WDR43: variants seen among roughly 807,000 people sequenced by gnomAD.
The protein encoded by WDR43 is WD repeat domain 43, also known as WD repeat-containing protein 43.
Under a neutral mutation model 91.4 loss-of-function variants are expected in WDR43, and 13 were observed. The observed-to-expected ratio is 0.14, with a 90% CI of 0.09 to 0.23. The LOEUF (loss-of-function observed/expected upper bound fraction) is 0.23. Ranked by LOEUF, WDR43 falls within the 10% of genes least tolerant of loss-of-function variation. The pLI is 1.00. For missense variants in WDR43, 780 were observed against 809.4 expected (o/e 0.96, Z 0.44); for synonymous variants, 331 against 287.9 (o/e 1.15, Z -1.51).
intron 14 of WDR43, among the ~76,000 whole-genome samples, chr2:28,940,063 G>A (rs1671405837): frequency 7.4e-6 from 1 of 135,780 alleles, no homozygotes; most frequent in African/African-American, 2.8e-5. Context: ...AGTGAGCATA[G>A]TTCATGGCAC....
At chr2:28,899,338 G>A (rs747350779) in intron 1 of WDR43, among the ~76,000 whole-genome samples, 1 of 152,156 alleles carries the variant, frequency 6.6e-6, no homozygotes, top group Non-Finnish European at 1.5e-5. Flanking sequence ...GTGTCTTAAG[G>A]GAAAGAAGTT....
chr2:28,932,023 G>A (rs573448501), intron 11 of WDR43, among the ~76,000 whole-genome samples: 1 of 151,876 alleles, frequency 6.6e-6, no homozygotes, highest in Admixed American at 6.6e-5. Flanking sequence ...CTGCAGGCAC[G>A]CATCACCATA....
At chr2:28,905,660 CT>C (rs1670664485) in intron 2 of WDR43, among the ~76,000 whole-genome samples, 2 of 139,642 alleles carry the variant, frequency 1.4e-5, no homozygotes, top group African/African-American at 5.1e-5. Context: ...TCTCTCTCTT[CT>C]TCTCTTTTTT....
chr2:28,912,247 C>G (rs1016852073), intron 3 of WDR43, among the ~76,000 whole-genome samples: 8 of 152,146 alleles, frequency 5.3e-5, no homozygotes, highest in Non-Finnish European at 1.2e-4. Flanking sequence ...TGGAACTTTC[C>G]TGGACATTCG....
At chr2:28,943,985 C>T (rs550039914) in intron 16 of WDR43, among the ~76,000 whole-genome samples, 1 of 152,130 alleles carries the variant, frequency 6.6e-6, no homozygotes, top group Non-Finnish European at 1.5e-5. Context: ...TCCCAAAGTG[C>T]TTGTGTGTAT....
chr2:28,924,877 A>T, intron 7 of WDR43, 105 bp from the exon 8 acceptor site: 1 of 1,366,116 alleles, frequency 7.3e-7, no homozygotes, highest in Non-Finnish European at 1.0e-6. Context: ...ATGGCAGTAT[A>T]GAGGCTAGAG....
intron 2 of WDR43, among the ~76,000 whole-genome samples, chr2:28,904,167 G>A (rs1216880290): frequency 6.6e-6 from 1 of 152,100 alleles, no homozygotes; most frequent in Non-Finnish European, 1.5e-5. Context: ...CGACAGGGAT[G>A]AATTTATCAA....
At chr2:28,919,464 C>G (rs1019651214) in intron 6 of WDR43, among the ~76,000 whole-genome samples, 1 of 151,842 alleles carries the variant, frequency 6.6e-6, no homozygotes, top group Non-Finnish European at 1.5e-5. Context: ...GTCAGGAGAT[C>G]GAGACCACGG....
intron 16 of WDR43, among the ~76,000 whole-genome samples, chr2:28,945,235 TA>T (rs58084771): frequency 6.6e-6 from 1 of 152,094 alleles, no homozygotes; most frequent in Admixed American, 6.5e-5. Context: ...TAGAATATCT[TA>T]AAAAAATAGG....
chr2:28,930,919 C>G (rs1671226979), intron 11 of WDR43, among the ~76,000 whole-genome samples: 1 of 152,130 alleles, frequency 6.6e-6, no homozygotes, highest in Non-Finnish European at 1.5e-5. Flanking sequence ...GATCACATAT[C>G]ATTTTATCCA....
chr2:28,922,187 A>T (rs1164149469), intron 6 of WDR43, among the ~76,000 whole-genome samples: 4 of 152,216 alleles, frequency 2.6e-5, no homozygotes, highest in African/African-American at 4.8e-5. Flanking sequence ...TAATTGATAT[A>T]TTACAGTTGT....
At chr2:28,926,828 G>A (rs577603874) in intron 9 of WDR43, among the ~76,000 whole-genome samples, 33 of 152,132 alleles carry the variant, frequency 2.2e-4, no homozygotes, top group African/African-American at 7.9e-4. Flanking sequence ...AAGAATGTAG[G>A]GATAAATATC....
intron 14 of WDR43, among the ~76,000 whole-genome samples, chr2:28,939,118 C>T (rs993760593): frequency 7.7e-6 from 1 of 130,168 alleles, no homozygotes; most frequent in African/African-American, 3.0e-5. Context: ...CCTGGGAGCA[C>T]TGGTGAGAGG....
chr2:28,905,772 C>T (rs773465519), intron 2 of WDR43, among the ~76,000 whole-genome samples: 19 of 150,474 alleles, frequency 1.3e-4, no homozygotes. Flanking sequence ...TCACATGATT[C>T]TCCTGCCTCA....
chr2:28,919,462 A>G (rs1444894349), intron 6 of WDR43, among the ~76,000 whole-genome samples: 1 of 151,946 alleles, frequency 6.6e-6, no homozygotes, highest in African/African-American at 2.4e-5. Flanking sequence ...AGGTCAGGAG[A>G]TCGAGACCAC....
At chr2:28,901,933 G>A (rs1670583887) in intron 1 of WDR43, 54 bp from the exon 2 acceptor site, 13 of 1,487,702 alleles carry the variant, frequency 8.7e-6, no homozygotes, top group East Asian at 4.8e-5. Flanking sequence ...GTTCATTAAC[G>A]ATGTTTTAGT....
intron 6 of WDR43, among the ~76,000 whole-genome samples, chr2:28,922,548 T>C (rs902501802): frequency 2.6e-5 from 4 of 152,124 alleles, no homozygotes; most frequent in Non-Finnish European, 4.4e-5. Flanking sequence ...AGAGAGGCGA[T>C]GAGGTCTTAC....
intron 11 of WDR43, chr2:28,929,938 G>C (rs1671210964): frequency 1.7e-6 from 1 of 590,398 alleles, no homozygotes; most frequent in Non-Finnish European, 3.1e-6. Flanking sequence ...TTTTCTCATA[G>C]AAATACTGTT....
At chr2:28,938,019 C>G in intron 14 of WDR43, 25 bp downstream of exon 14, 3 of 1,609,856 alleles carry the variant, frequency 1.9e-6, no homozygotes, top group Non-Finnish European at 2.5e-6. Flanking sequence ...CTTCTGTTGC[C>G]GAGTATGAAT....
Sources: gnomAD v4.1 joint callset for allele counts (sites outside exome capture counted in the v4.1 genomes callset) on GRCh38, gnomAD v4.1.1 for gene constraint, MANE v1.5 for transcripts, NCBI Gene and HGNC (gene_info 2026-07-23, HGNC 2026-07-21) for gene names.